Variants in ZFAND3 observed in about 807,000 individuals in gnomAD.
ZFAND3 encodes the protein AN1-type zinc finger protein 3.
ZFAND3 carries 10 observed loss-of-function variants against 29.6 expected under a neutral mutation model. That is an observed-to-expected ratio of 0.34 (90% CI 0.21 to 0.57). The LOEUF (loss-of-function observed/expected upper bound fraction) is 0.57, where lower values mean the gene tolerates loss of function less well. ZFAND3 is among the 20% of genes least tolerant of loss of function. The probability of loss-of-function intolerance (pLI) is 0.86; values close to 1 mark genes in which losing one functional copy is unlikely to be tolerated. For missense variants in ZFAND3, 230 were observed against 304.5 expected (o/e 0.76, Z 1.82); for synonymous variants, 128 against 112.6 (o/e 1.14, Z -0.87).
intron 2 of ZFAND3, among the ~76,000 whole-genome samples, chr6:37,986,810 A>G (rs138281695): frequency 6.6e-6 from 1 of 152,294 alleles, no homozygotes; most frequent in African/African-American, 2.4e-5. Context: ...CCTCATTAAG[A>G]AGCCTAAGTA....
Position 38,116,942 on chromosome 6 carries a change from C to CA in ZFAND3, c.529+209dup, listed in dbSNP as rs563752544. 8.5e-5 allele frequency among the ~76,000 whole-genome samples: 13 copies of CA among 152,148 alleles called. No individual in the cohort carries two copies. The East Asian group carries it at 2.5e-3, about 29-fold the overall frequency. On this transcript the variant is annotated intron_variant, in intron 5 of 5. Transcript: ENST00000287218. ...TAAACACCCTTTATTCTCACACATGCAAAAAAGACAAAAACATCCCCATGT... is the reference window on the plus strand; with the variant it reads ...TAAACACCCTTTATTCTCACACATGCAAAAAAAGACAAAAACATCCCCATGT...
intron 2 of ZFAND3, among the ~76,000 whole-genome samples, chr6:37,986,801 C>G (rs1762678799): frequency 6.6e-6 from 1 of 151,992 alleles, no homozygotes; most frequent in Admixed American, 6.6e-5. Context: ...ATATTTTCCC[C>G]TCATTAAGAA....
intron 5 of ZFAND3, among the ~76,000 whole-genome samples, chr6:38,122,045 A>G (rs555451171): frequency 6.6e-6 from 1 of 152,316 alleles, no homozygotes; most frequent in South Asian, 2.1e-4. Flanking sequence ...TCTATAAGTG[A>G]AGCCACCTCC....
At chr6:37,970,917 C>CCAAA (rs201703751) in intron 2 of ZFAND3, among the ~76,000 whole-genome samples, 35 of 128,800 alleles carry the variant, frequency 2.7e-4, no homozygotes, top group African/African-American at 6.1e-4. Flanking sequence ...AACAAACAAA[C>CCAAA]CAAACAAACA....
intron 1 of ZFAND3, among the ~76,000 whole-genome samples, chr6:37,856,535 C>T (rs1764386849): frequency 6.6e-6 from 1 of 152,180 alleles, no homozygotes; most frequent in Non-Finnish European, 1.5e-5. Flanking sequence ...TCCACCTTCC[C>T]TTATTTCCCC....
At chr6:37,961,759 A>AG (rs1251075525) in intron 2 of ZFAND3, among the ~76,000 whole-genome samples, 1 of 152,246 alleles carries the variant, frequency 6.6e-6, no homozygotes, top group Non-Finnish European at 1.5e-5. Flanking sequence ...AAGACCGTCA[A>AG]GGTGGTACCT....
chr6:37,930,116 T>C, intron 2 of ZFAND3, 117 bp downstream of exon 2: 1 of 1,033,494 alleles, frequency 9.7e-7, no homozygotes, highest in Non-Finnish European at 1.3e-6. Flanking sequence ...GGGTTTTGTT[T>C]TCTTAGCTTG....
At chr6:37,907,250 C>T (rs189204374) in intron 1 of ZFAND3, among the ~76,000 whole-genome samples, 1 of 152,168 alleles carries the variant, frequency 6.6e-6, no homozygotes, top group African/African-American at 2.4e-5. Flanking sequence ...GTGTAATTTA[C>T]ATGCCATAAA....
Position 38,152,899 on chromosome 6 carries a change from A to G in ZFAND3, c.*510A>G, listed in dbSNP as rs78873482. The G allele has an allele frequency of 1.0e-6, 1 of 985,894 alleles. No homozygotes were observed. Among genetic ancestry groups the G allele is most frequent in the Non-Finnish European group, 1.2e-6 (1 of 829,996 alleles). The allele number at this position is 985,894 out of a possible 1,614,324, so 61.1% of individuals were successfully genotyped here. A position where few individuals can be genotyped will look rare whatever the true frequency, so the allele number is the denominator to read the frequency against. On this transcript the variant is annotated 3_prime_UTR_variant, in exon 6 of 6. Coordinates refer to ENST00000287218, the MANE Select transcript of ZFAND3 (RefSeq NM_021943.3). ...GCCTTGGCCACGGGAGGCTGCTGAG[A>G]TTGGCCACGTGGCTGGGCTGGGTGG...
chr6:38,059,570 T>C (rs1045002639), intron 2 of ZFAND3, among the ~76,000 whole-genome samples: 2 of 152,134 alleles, frequency 1.3e-5, no homozygotes, highest in African/African-American at 2.4e-5. Context: ...TACGCTAATA[T>C]TCAGGGGCTT....
intron 5 of ZFAND3, among the ~76,000 whole-genome samples, chr6:38,146,244 T>A (rs1766104936): frequency 6.6e-6 from 1 of 152,158 alleles, no homozygotes; most frequent in South Asian, 2.1e-4. Flanking sequence ...TGGGGAAACC[T>A]TCCCCCCAGA....
intron 2 of ZFAND3, among the ~76,000 whole-genome samples, chr6:38,001,909 A>G (rs1394276311): frequency 6.6e-6 from 1 of 151,886 alleles, no homozygotes; most frequent in Non-Finnish European, 1.5e-5. Flanking sequence ...TTTGTCTTTT[A>G]GTCTTTTCTT....
intron 2 of ZFAND3, among the ~76,000 whole-genome samples, chr6:38,004,376 G>A (rs1387537386): frequency 6.6e-6 from 1 of 151,984 alleles, no homozygotes; most frequent in Non-Finnish European, 1.5e-5. Context: ...TTCCTCCTCT[G>A]CAGGATTTTT....
intron 1 of ZFAND3, among the ~76,000 whole-genome samples, chr6:37,896,198 C>CT (rs1765199916): frequency 6.6e-6 from 1 of 151,808 alleles, no homozygotes; most frequent in African/African-American, 2.4e-5. Context: ...TTACAGTATC[C>CT]TTTTTTTCTG....
At chr6:37,874,712 G>C (rs1196839842) in intron 1 of ZFAND3, among the ~76,000 whole-genome samples, 2 of 151,910 alleles carry the variant, frequency 1.3e-5, no homozygotes, top group African/African-American at 4.8e-5. Flanking sequence ...GGTAGGGGAG[G>C]GACACAATTC....
intron 1 of ZFAND3, among the ~76,000 whole-genome samples, chr6:37,841,326 C>T (rs893559513): frequency 6.6e-6 from 1 of 152,068 alleles, no homozygotes; most frequent in Non-Finnish European, 1.5e-5. Flanking sequence ...TACCTAGATT[C>T]TGTAATATTT....
In ZFAND3 at chr6:38,105,486, A is replaced by T. The variant is rs565376585; in HGVS notation, c.362-11086A>T. Among the ~76,000 whole-genome samples the T allele has an allele frequency of 3.3e-5, 5 of 152,348 alleles. No homozygotes were observed. The South Asian group carries it at 1.0e-3, about 32-fold the overall frequency. On this transcript the variant is annotated intron_variant, in intron 4 of 5. Transcript: ENST00000287218. ...TTCCATGTATATGTTCACATATGTG[A>T]CATTCTTGAAATGACAAAATTCTGG...
At chr6:37,938,989 T>A (rs2645130) in intron 2 of ZFAND3, among the ~76,000 whole-genome samples, 119,372 of 152,096 alleles carry the variant, frequency 0.78, 47,675 homozygotes, top group Non-Finnish European at 0.85. Flanking sequence ...TTCTTCCCTC[T>A]TGTTGGTCTA....
At chr6:38,128,114 G>C (rs975381707) in intron 5 of ZFAND3, among the ~76,000 whole-genome samples, 2 of 152,122 alleles carry the variant, frequency 1.3e-5, no homozygotes, top group Non-Finnish European at 2.9e-5. Context: ...GCAAACACAC[G>C]CACACGCATA....
Sources: allele counts gnomAD v4.1 joint callset (sites outside exome capture counted in the v4.1 genomes callset), GRCh38; gene constraint gnomAD v4.1.1; transcripts MANE v1.5; gene names NCBI Gene and HGNC (gene_info 2026-07-23, HGNC 2026-07-21).